VCL: variants seen among roughly 807,000 people sequenced by gnomAD.
VCL encodes the protein epididymis luminal protein 114.
VCL carries 47 observed loss-of-function variants against 125.7 expected under a neutral mutation model. That is an observed-to-expected ratio of 0.37 (90% confidence interval 0.30 to 0.48). The LOEUF (loss-of-function observed/expected upper bound fraction) is 0.48, where lower values mean the gene tolerates loss of function less well. Ranked by LOEUF, VCL falls within the 20% of genes least tolerant of loss-of-function variation. The pLI is 0.99. For missense variants in VCL, 1,069 were observed against 1,455.5 expected, an observed-to-expected ratio of 0.73 and a Z score of 4.32; for synonymous variants, 458 against 514.6, an observed-to-expected ratio of 0.89 and a Z score of 1.49.
At chr10:74,100,633 C>T (rs1248054224) in intron 13 of VCL, among the ~76,000 whole-genome samples, 1 of 152,142 alleles carries the variant, frequency 6.6e-6, no homozygotes, top group Non-Finnish European at 1.5e-5. Context: ...TCTTCACATT[C>T]AGCAAATTAC....
chr10:74,054,953 AAAT>A (rs1841366894), intron 2 of VCL, among the ~76,000 whole-genome samples: 1 of 151,980 alleles, frequency 6.6e-6, no homozygotes, highest in African/African-American at 2.4e-5. Context: ...ACCAACAACA[AAAT>A]AATAATAGTG....
intron 6 of VCL, among the ~76,000 whole-genome samples, chr10:74,079,995 C>T (rs1024610103): frequency 6.6e-6 from 1 of 152,170 alleles, no homozygotes; most frequent in Admixed American, 6.5e-5. Context: ...ACACCTCCCA[C>T]TGAGCAGTAA....
intron 12 of VCL, among the ~76,000 whole-genome samples, chr10:74,096,331 TGACAGAGCGA>T (rs1417555801): frequency 2.0e-5 from 3 of 151,938 alleles, no homozygotes; most frequent in Non-Finnish European, 4.4e-5. Context: ...CCAGCCTGGG[TGACAGAGCGA>T]GACTCCATTT....
chr10:74,049,940 T>A (rs1841268965), intron 2 of VCL, among the ~76,000 whole-genome samples: 1 of 152,230 alleles, frequency 6.6e-6, no homozygotes, highest in Admixed American at 6.5e-5. Context: ...AGCAAACTAT[T>A]TTATTTGCCT....
chr10:74,119,273 G>T lies in VCL; in HGVS notation c.*1104G>T, dbSNP rs1393761478. The T allele has an allele frequency of 6.6e-6, 1 of 152,576 alleles. No individual in the cohort carries two copies. The highest frequency in any genetic ancestry group is 1.5e-5 in the Non-Finnish European group (1 of 68,042). The allele number at this position is 152,576 out of a possible 1,614,324, so 9.5% of individuals were successfully genotyped here. A position where few individuals can be genotyped will look rare whatever the true frequency, so the allele number is the denominator to read the frequency against. ...CCTTTTTAAATTCAGTCCTAAGAAA[G>T]AGGAGTGCTTGTCCCCTAAGAGTGT... On this transcript the variant is annotated 3_prime_UTR_variant, in exon 22 of 22. Coordinates refer to ENST00000211998, the MANE Select transcript of VCL (RefSeq NM_014000.3).
intron 1 of VCL, among the ~76,000 whole-genome samples, chr10:74,021,554 A>G (rs1398888476): frequency 1.3e-5 from 2 of 152,222 alleles, no homozygotes; most frequent in African/African-American, 2.4e-5. Flanking sequence ...TAAATAAACC[A>G]TCTCTGGAAC....
intron 1 of VCL, among the ~76,000 whole-genome samples, chr10:74,017,052 T>TTTTTTTC (rs1840556882): frequency 1.9e-5 from 1 of 52,072 alleles, no homozygotes; most frequent in African/African-American, 4.9e-5. Context: ...CTTCCTTTTT[T>TTTTTTTC]TTTTTTTTTT....
Position 74,090,195 on chromosome 10 carries a change from G to C in VCL, c.1349G>C (p.Arg450Thr), listed in dbSNP as rs1428422009. ...ALTSKLADLRRQGKGDSPEAR... is the reference protein window; with the variant it reads ...ALTSKLADLRTQGKGDSPEAR... ...ACTTCTAAATTAGCAGATCTACGAAGACAGTATGTATTTAACCCTTACATT... is the reference window on the plus strand; with the variant it reads ...ACTTCTAAATTAGCAGATCTACGAACACAGTATGTATTTAACCCTTACATT... Residue 450 changes from arginine to threonine, a missense_variant, in exon 10 of 22, where the codon AGA becomes ACA. By Grantham distance (71) the Arg-to-Thr change is moderately conservative (BLOSUM62 -1). Around this residue, in one of 6 missense-constraint regions of VCL, gnomAD observed 760 missense variants for 928.9 expected, o/e 0.82. Coordinates refer to ENST00000211998, the MANE Select transcript of VCL (RefSeq NM_014000.3). The C allele has an allele frequency of 1.2e-6, 2 of 1,613,980 alleles. No homozygotes were observed. The highest frequency in any genetic ancestry group is 2.2e-5 in the East Asian group (1 of 44,888).
chr10:74,013,604 C>G (rs1403629), intron 1 of VCL, among the ~76,000 whole-genome samples: 95,657 of 151,540 alleles, frequency 0.63, 31,082 homozygotes, highest in Middle Eastern at 0.74. Flanking sequence ...GTAGTATAAT[C>G]GTTAAGCATT....
In VCL at chr10:74,072,821, C is replaced by T. The variant is rs199960157; in HGVS notation, c.591C>T (p.Thr197=). 9.9e-6 allele frequency: 16 copies of T among 1,614,122 alleles called. No homozygotes were observed. Among genetic ancestry groups the T allele is most frequent in the Admixed American group, 8.3e-5 (5 of 60,020 alleles). Residue 197 remains threonine, a synonymous_variant, in exon 5 of 22, where the codon ACC becomes ACT. Transcript: ENST00000211998. ...TGATGTTGGTGAACTCGATGAACAC[C>T]GTGAAAGAGTTGCTGCCAGTTCTCA... ...HRVMLVNSMN[T]VKELLPVLIS...
chr10:74,085,031 T>A (rs1375739671), intron 8 of VCL, among the ~76,000 whole-genome samples: 1 of 152,236 alleles, frequency 6.6e-6, no homozygotes, highest in Non-Finnish European at 1.5e-5. Context: ...TTCTTCAGCC[T>A]CCTGAGTAGA....
chr10:74,108,848 TG>T, intron 17 of VCL, 122 bp from the exon 18 acceptor site: 1 of 1,031,998 alleles, frequency 9.7e-7, no homozygotes, highest in Non-Finnish European at 1.5e-6. Flanking sequence ...TGGCTCAGTG[TG>T]GGTGGTCTTA....
intron 2 of VCL, among the ~76,000 whole-genome samples, chr10:74,068,646 A>C (rs1222456992): frequency 1.3e-5 from 2 of 152,192 alleles, no homozygotes; most frequent in Non-Finnish European, 2.9e-5. Flanking sequence ...CTTTTAATAG[A>C]ACAACACATA....
intron 1 of VCL, among the ~76,000 whole-genome samples, chr10:74,019,800 C>T (rs150536059): frequency 1.3e-3 from 200 of 152,304 alleles, no homozygotes; most frequent in Non-Finnish European, 2.6e-3. Context: ...TGATGGCTCA[C>T]GCCTCTAATC....
chr10:74,002,775 G>A (rs923905966), intron 1 of VCL, among the ~76,000 whole-genome samples: 4 of 151,266 alleles, frequency 2.6e-5, no homozygotes, highest in South Asian at 2.1e-4. Context: ...CCAGCTACTC[G>A]GGAGGCTGAG....
intron 1 of VCL, among the ~76,000 whole-genome samples, chr10:74,002,350 C>G (rs1213816544): frequency 6.6e-6 from 1 of 151,988 alleles, no homozygotes; most frequent in Non-Finnish European, 1.5e-5. Flanking sequence ...GTCTTGAACT[C>G]CTGACCTCAG....
chr10:74,049,112 A>C (rs934372005), intron 2 of VCL, among the ~76,000 whole-genome samples: 1 of 151,440 alleles, frequency 6.6e-6, no homozygotes, highest in African/African-American at 2.4e-5. Flanking sequence ...ATCTCAAAAA[A>C]ACAAACAAAC....
intron 17 of VCL, among the ~76,000 whole-genome samples, 180 bp downstream of exon 17, chr10:74,107,534 G>A (rs142405894): frequency 2.6e-5 from 4 of 152,204 alleles, no homozygotes; most frequent in African/African-American, 9.6e-5. Context: ...ATAACCTAGT[G>A]CTTATATGCA....
In VCL at chr10:74,042,011, C is replaced by T. The variant is rs749118135; in HGVS notation, c.169-1072C>T. Among the ~76,000 whole-genome samples the T allele has an allele frequency of 3.5e-4, 54 of 152,252 alleles. No individual in the cohort carries two copies. The Middle Eastern group carries it at 0.017, about 48-fold the overall frequency. ...TTTCAGGAAATTAGAAAATAGGAAACGCAGATACAAATTCATTCAATTTCC... is the reference window on the plus strand; with the variant it reads ...TTTCAGGAAATTAGAAAATAGGAAATGCAGATACAAATTCATTCAATTTCC... On this transcript the variant is annotated intron_variant, in intron 1 of 21. Coordinates refer to ENST00000211998, the MANE Select transcript of VCL (RefSeq NM_014000.3).
Sources: allele counts gnomAD v4.1 joint callset (sites outside exome capture counted in the v4.1 genomes callset), GRCh38; gene constraint gnomAD v4.1.1; regional missense constraint gnomAD v4.1.1; transcripts MANE v1.5; gene names NCBI Gene and HGNC (gene_info 2026-07-23, HGNC 2026-07-21).